The following GABRG3 variants were observed in gnomAD, a reference collection of about 807,000 sequenced individuals.
GABRG3 encodes gamma-aminobutyric acid type A receptor subunit gamma3.
A neutral mutation model predicts 48.8 loss-of-function variants in GABRG3; 25 were observed. The ratio of observed to expected loss-of-function variants is 0.51; its 90% confidence interval spans 0.37 to 0.72. GABRG3 has a LOEUF of 0.72. Ranked by LOEUF, GABRG3 falls within the 30% of genes least tolerant of loss-of-function variation. GABRG3 has a pLI of 0.00. For synonymous variants in GABRG3, 227 were observed against 217.6 expected, an observed-to-expected ratio of 1.04 and a Z score of -0.38; for missense variants, 394 against 577.9, an observed-to-expected ratio of 0.68 and a Z score of 3.26.
chr15:27,349,847 G>A (rs1894496175), intron 5 of GABRG3, among the ~76,000 whole-genome samples: 1 of 151,822 alleles, frequency 6.6e-6, no homozygotes, highest in African/African-American at 2.4e-5. Context: ...TCTCTCCCCG[G>A]GACATGTCCT....
chr15:27,271,862 C>T (rs1430539748), intron 3 of GABRG3, among the ~76,000 whole-genome samples: 1 of 152,224 alleles, frequency 6.6e-6, no homozygotes, highest in Non-Finnish European at 1.5e-5. Flanking sequence ...AGGTTCACAT[C>T]TAACTTAAAC....
rs73367345 is a variant in GABRG3, at chr15:27,454,547, G to A, written c.575-26103G>A. ...GGTCCCAGAGTCCAAGGCGCCTCAT[G>A]ACTCAGTAATGCATCACCATCCTGA... On this transcript the variant is annotated intron_variant, in intron 5 of 9. Coordinates refer to ENST00000615808, the MANE Select transcript of GABRG3 (RefSeq NM_033223.5). 6.9e-3 allele frequency among the ~76,000 whole-genome samples: 1,046 copies of A among 152,300 alleles called. 18 individuals are homozygous for A. The highest frequency in any genetic ancestry group is 0.023 in the African/African-American group (976 of 41,558).
chr15:27,394,185 A>G (rs1312114184), intron 5 of GABRG3, among the ~76,000 whole-genome samples: 1 of 152,092 alleles, frequency 6.6e-6, no homozygotes, highest in Non-Finnish European at 1.5e-5. Context: ...CTTCTTGTGT[A>G]TTAAATATGT....
chr15:27,530,277 T>G (rs1891391098), intron 9 of GABRG3, among the ~76,000 whole-genome samples: 1 of 152,086 alleles, frequency 6.6e-6, no homozygotes, highest in South Asian at 2.1e-4. Flanking sequence ...TCTGGGACAC[T>G]CACGGGGCTG....
chr15:27,445,899 C>CT lies in GABRG3; in HGVS notation c.575-34741dup, dbSNP rs796081241. ...GTGCCAGCACCATTTGTTGAAAAGACTTTTTTTTTTCCTATTGAATAGTCT... is the reference window on the plus strand; with the variant it reads ...GTGCCAGCACCATTTGTTGAAAAGACTTTTTTTTTTTCCTATTGAATAGTCT... On this transcript the variant is annotated intron_variant, in intron 5 of 9. Coordinates refer to ENST00000615808, the MANE Select transcript of GABRG3 (RefSeq NM_033223.5). 9.4e-3 allele frequency among the ~76,000 whole-genome samples: 1,406 copies of CT among 149,506 alleles called. 19 individuals are homozygous for CT. The highest frequency in any genetic ancestry group is 0.032 in the African/African-American group (1,309 of 40,804).
chr15:27,306,798 T>C (rs1892520175), intron 3 of GABRG3, among the ~76,000 whole-genome samples: 2 of 97,114 alleles, frequency 2.1e-5, no homozygotes, highest in Non-Finnish European at 3.8e-5. Context: ...TATATAAACA[T>C]ACAATATAAA....
At chr15:27,464,887 T>C (rs1457199054) in intron 5 of GABRG3, among the ~76,000 whole-genome samples, 2 of 152,242 alleles carry the variant, frequency 1.3e-5, no homozygotes, top group East Asian at 3.8e-4. Context: ...TTTGGAAATA[T>C]TTTCTCTCAT....
chr15:27,235,963 G>T (rs1889948734), intron 3 of GABRG3, among the ~76,000 whole-genome samples: 2 of 152,094 alleles, frequency 1.3e-5, no homozygotes, highest in Admixed American at 6.5e-5. Context: ...CCTTACTAAT[G>T]GTTTTTCTTG....
At chr15:27,088,104 G>GT (rs900245241) in intron 3 of GABRG3, among the ~76,000 whole-genome samples, 85 of 129,766 alleles carry the variant, frequency 6.6e-4, no homozygotes, top group African/African-American at 2.4e-3. Context: ...ATGTGCCGTG[G>GT]TTGTGTGTGT....
chr15:27,085,569 C>G (rs2140748540), intron 3 of GABRG3, among the ~76,000 whole-genome samples: 1 of 152,220 alleles, frequency 6.6e-6, no homozygotes, highest in Admixed American at 6.5e-5. Context: ...CAAATTACTC[C>G]CATCAACAGT....
intron 3 of GABRG3, among the ~76,000 whole-genome samples, chr15:27,036,883 G>T (rs1396802259): frequency 6.6e-6 from 1 of 152,112 alleles, no homozygotes; most frequent in Non-Finnish European, 1.5e-5. Context: ...CTTAGAATGT[G>T]ACTTTATTTG....
intron 3 of GABRG3, among the ~76,000 whole-genome samples, chr15:27,322,903 G>A (rs1308213481): frequency 6.6e-6 from 1 of 152,166 alleles, no homozygotes; most frequent in East Asian, 1.9e-4. Flanking sequence ...ACCCTTGGAA[G>A]GAAGGGTGGT....
At chr15:27,425,215 T>G (rs1158464947) in intron 5 of GABRG3, among the ~76,000 whole-genome samples, 5 of 152,114 alleles carry the variant, frequency 3.3e-5, no homozygotes, top group Non-Finnish European at 7.4e-5. Flanking sequence ...CTGGGCTGAC[T>G]GTAGTCTGCA....
chr15:27,005,426 T>C (rs562446597), intron 2 of GABRG3, among the ~76,000 whole-genome samples: 1 of 152,284 alleles, frequency 6.6e-6, no homozygotes, highest in Non-Finnish European at 1.5e-5. Flanking sequence ...CATTTTTTTC[T>C]TTAGATATTA....
intron 3 of GABRG3, among the ~76,000 whole-genome samples, chr15:27,048,408 G>T (rs1896401067): frequency 6.6e-6 from 1 of 152,164 alleles, no homozygotes; most frequent in Non-Finnish European, 1.5e-5. Flanking sequence ...GAAACAGGGA[G>T]TTCATCTGGC....
chr15:27,460,612 G>C (rs931393592), intron 5 of GABRG3, among the ~76,000 whole-genome samples: 1 of 152,180 alleles, frequency 6.6e-6, no homozygotes, highest in African/African-American at 2.4e-5. Flanking sequence ...ACAGGCAGGA[G>C]GGTATCTTGA....
chr15:26,980,681 C>CAAA (rs67711680), intron 2 of GABRG3, among the ~76,000 whole-genome samples: 5 of 124,074 alleles, frequency 4.0e-5, no homozygotes, highest in Non-Finnish European at 3.7e-5. Context: ...TCCTCTGTCT[C>CAAA]AAAAAAAAAA....
At chr15:27,086,116 G>GTTT (rs5811477) in intron 3 of GABRG3, among the ~76,000 whole-genome samples, 12 of 139,506 alleles carry the variant, frequency 8.6e-5, no homozygotes, top group Non-Finnish European at 1.1e-4. Flanking sequence ...AGTTTTGGCA[G>GTTT]TTTTTTTTTT....
intron 3 of GABRG3, among the ~76,000 whole-genome samples, chr15:27,140,721 A>G (rs779154844): frequency 2.6e-5 from 4 of 152,060 alleles, no homozygotes; most frequent in Non-Finnish European, 4.4e-5. Flanking sequence ...TCATAATAGT[A>G]TCTTATTCTT....
Sources: gnomAD v4.1 joint callset for allele counts (sites outside exome capture counted in the v4.1 genomes callset) on GRCh38, gnomAD v4.1.1 for gene constraint, MANE v1.5 for transcripts, NCBI Gene and HGNC (gene_info 2026-07-23, HGNC 2026-07-21) for gene names.